JAK1: variants seen among roughly 807,000 people sequenced by gnomAD.
JAK1 encodes the protein Janus kinase 1, also known as tyrosine-protein kinase JAK1.
Under a neutral mutation model 136.6 loss-of-function variants are expected in JAK1, and 16 were observed. That is an observed-to-expected ratio of 0.12 (90% CI 0.08 to 0.18). The LOEUF is 0.18. Among genes scored for constraint, JAK1 ranks in the 10% least tolerant of loss-of-function variants. JAK1 has a pLI of 1.00. For missense variants in JAK1, 859 were observed against 1,450.1 expected (o/e 0.59, Z 6.62); for synonymous variants, 492 against 519.5 (o/e 0.95, Z 0.72).
chr1:64,898,226 T>A (rs1645053882), intron 1 of JAK1, among the ~76,000 whole-genome samples: 1 of 152,030 alleles, frequency 6.6e-6, no homozygotes, highest in Admixed American at 6.6e-5. Flanking sequence ...ACTGGGAGAG[T>A]CAACATTCTG....
At chr1:64,890,353 A>G (rs960402830) in intron 1 of JAK1, among the ~76,000 whole-genome samples, 1 of 152,188 alleles carries the variant, frequency 6.6e-6, no homozygotes, top group Non-Finnish European at 1.5e-5. Context: ...GGTACAAAGT[A>G]AGCAACATTA....
chr1:65,062,238 C>T (rs772334601), intron 1 of JAK1, among the ~76,000 whole-genome samples: 1 of 152,138 alleles, frequency 6.6e-6, no homozygotes, highest in Non-Finnish European at 1.5e-5. Context: ...CAACTGTATA[C>T]TCCACAGTTA....
chr1:64,905,031 T>C (rs1645168947), intron 1 of JAK1, among the ~76,000 whole-genome samples: 1 of 152,302 alleles, frequency 6.6e-6, no homozygotes, highest in Non-Finnish European at 1.5e-5. Flanking sequence ...TATGGTCACC[T>C]AGGGAACAGT....
chr1:64,913,155 G>T (rs190353031), intron 1 of JAK1, among the ~76,000 whole-genome samples: 1 of 152,120 alleles, frequency 6.6e-6, no homozygotes, highest in African/African-American at 2.4e-5. Context: ...CAGAATAGCC[G>T]AGACTACAGG....
intron 2 of JAK1, among the ~76,000 whole-genome samples, chr1:65,005,424 A>G (rs761568756): frequency 5.9e-5 from 9 of 152,174 alleles, no homozygotes; most frequent in Non-Finnish European, 1.2e-4. Context: ...GAGAGGTTAC[A>G]TAACAAATAC....
intron 2 of JAK1, among the ~76,000 whole-genome samples, chr1:65,029,600 T>C (rs1289319075): frequency 1.3e-5 from 2 of 152,146 alleles, no homozygotes; most frequent in Non-Finnish European, 2.9e-5. Flanking sequence ...TAAAATATGG[T>C]ACATACACCA....
In JAK1 at chr1:64,918,640, G is replaced by A. The variant is rs78472403; in HGVS notation, c.-77-32299C>T. 6 of 188,726 alleles carry A rather than the reference G, an allele frequency of 3.2e-5. No individual in the cohort carries two copies. In the Admixed American group the frequency reaches 3.4e-4, roughly 11 times the overall value. 11.7% of individuals were successfully genotyped at this position (188,726 alleles called of 1,614,324 possible). On this transcript the variant is annotated intron_variant, in intron 1 of 24. Coordinates refer to ENST00000342505, the MANE Select transcript of JAK1 (RefSeq NM_002227.4). ...ATGAGCAATACAAGTTCTACTCAGT[G>A]AATGTGGATTACAGTAAACTGAAGA...
chr1:64,898,159 C>T (rs1645052101), intron 1 of JAK1, among the ~76,000 whole-genome samples: 1 of 152,196 alleles, frequency 6.6e-6, no homozygotes, highest in South Asian at 2.1e-4. Flanking sequence ...TCAGAAAGAA[C>T]TTTCCCAAAG....
chr1:65,046,191 T>C (rs1647181360), intron 1 of JAK1, among the ~76,000 whole-genome samples: 1 of 152,218 alleles, frequency 6.6e-6, no homozygotes, highest in Admixed American at 6.5e-5. Flanking sequence ...GTTCCACCTG[T>C]GCAGTACTTT....
intron 2 of JAK1, among the ~76,000 whole-genome samples, chr1:65,031,671 T>A (rs1647024823): frequency 6.6e-6 from 1 of 152,210 alleles, no homozygotes; most frequent in Non-Finnish European, 1.5e-5. Context: ...TATGGTTATA[T>A]AAGAGAATGT....
chr1:65,028,643 T>C (rs1051608579), intron 2 of JAK1, among the ~76,000 whole-genome samples: 4 of 152,222 alleles, frequency 2.6e-5, no homozygotes, highest in Admixed American at 6.5e-5. Flanking sequence ...TTGAAACTTA[T>C]AAAAATGTGT....
At chr1:64,906,155 G>T (rs542526344) in intron 1 of JAK1, among the ~76,000 whole-genome samples, 1 of 152,108 alleles carries the variant, frequency 6.6e-6, no homozygotes, top group Non-Finnish European at 1.5e-5. Context: ...TTAGCTGGGC[G>T]TGGTGGTGCA....
upstream of JAK1, among the ~76,000 whole-genome samples, chr1:64,969,118 A>C (rs978827244): frequency 6.6e-5 from 10 of 151,994 alleles, no homozygotes; most frequent in Non-Finnish European, 1.5e-4. Context: ...TCTTAAAAAA[A>C]AAAAATAAGT....
intron 2 of JAK1, among the ~76,000 whole-genome samples, chr1:64,975,409 T>C (rs1646489899): frequency 6.6e-6 from 1 of 152,186 alleles, no homozygotes; most frequent in Non-Finnish European, 1.5e-5. Context: ...AGCAGTGCAC[T>C]TTCATGGTGG....
chr1:64,856,098 T>C (rs1359290755), intron 10 of JAK1, among the ~76,000 whole-genome samples: 1 of 152,152 alleles, frequency 6.6e-6, no homozygotes, highest in African/African-American at 2.4e-5. Context: ...ATATTATATA[T>C]GAGGTAATAA....
At chr1:64,928,790 A>AC (rs1199460627) in intron 1 of JAK1, among the ~76,000 whole-genome samples, 2 of 125,794 alleles carry the variant, frequency 1.6e-5, no homozygotes, top group African/African-American at 7.4e-5. Flanking sequence ...AAAAAAAAAA[A>AC]AAAAAACAAA....
chr1:64,915,365 C>T (rs1645376645), intron 1 of JAK1, among the ~76,000 whole-genome samples: 1 of 152,080 alleles, frequency 6.6e-6, no homozygotes, highest in African/African-American at 2.4e-5. Flanking sequence ...CGATAATCCA[C>T]AAATACTGAA....
At chr1:64,882,464 A>T (rs1271775817) in intron 3 of JAK1, among the ~76,000 whole-genome samples, 1 of 152,220 alleles carries the variant, frequency 6.6e-6, no homozygotes, top group African/African-American at 2.4e-5. Context: ...AAATTCACCA[A>T]TTTTTAAGTG....
intron 2 of JAK1, chr1:65,023,101 T>C (rs1646950482): frequency 6.6e-6 from 1 of 152,090 alleles, no homozygotes; most frequent in African/African-American, 2.4e-5. Flanking sequence ...TTCGGTTCAA[T>C]GACTTTTTTT....
Sources: allele counts gnomAD v4.1 joint callset (sites outside exome capture counted in the v4.1 genomes callset), GRCh38; gene constraint gnomAD v4.1.1; transcripts MANE v1.5; gene names NCBI Gene and HGNC (gene_info 2026-07-23, HGNC 2026-07-21).